The following RASGRF1 variants were observed in gnomAD, a reference collection of about 807,000 sequenced individuals.
RASGRF1 encodes the protein ras-specific guanine nucleotide-releasing factor 1.
In RASGRF1, 40 loss-of-function variants were observed where a neutral mutation model predicts 138.7. That is an observed-to-expected ratio of 0.29 (90% CI 0.22 to 0.38). RASGRF1 has a LOEUF of 0.38. Ranked by LOEUF, RASGRF1 falls within the 10% of genes least tolerant of loss-of-function variation. The pLI is 1.00. For missense variants in RASGRF1, 1,108 were observed against 1,650.4 expected (o/e 0.67, Z 5.69); for synonymous variants, 614 against 663.2 (o/e 0.93, Z 1.14).
chr15:79,008,944 G>A (rs1469488494), intron 13 of RASGRF1, among the ~76,000 whole-genome samples: 1 of 152,200 alleles, frequency 6.6e-6, no homozygotes, highest in Non-Finnish European at 1.5e-5. Context: ...CTCCCTACAA[G>A]ATAAATGACC....
chr15:79,036,517 T>C (rs2057224637), intron 5 of RASGRF1, among the ~76,000 whole-genome samples: 1 of 152,196 alleles, frequency 6.6e-6, no homozygotes, highest in South Asian at 2.1e-4. Flanking sequence ...CAGTTTGTGC[T>C]CTGAGGCAGC....
intron 3 of RASGRF1, among the ~76,000 whole-genome samples, chr15:79,056,298 C>G (rs1174576877): frequency 2.0e-5 from 3 of 152,186 alleles, no homozygotes; most frequent in Non-Finnish European, 4.4e-5. Flanking sequence ...CTTGGACACT[C>G]TTGATCATGA....
intron 12 of RASGRF1, among the ~76,000 whole-genome samples, chr15:79,016,569 A>G (rs924557773): frequency 2.6e-5 from 4 of 152,224 alleles, no homozygotes; most frequent in African/African-American, 9.6e-5. Flanking sequence ...CCTCTGGGCA[A>G]GCAGCCCCAG....
Position 79,079,050 on chromosome 15 carries a change from C to T in RASGRF1, c.276+11173G>A, listed in dbSNP as rs190936705. Among the ~76,000 whole-genome samples, 262 of 152,362 alleles carry T rather than the reference C, an allele frequency of 1.7e-3. 7 individuals are homozygous for T. The South Asian group carries it at 0.028, about 16-fold the overall frequency. On this transcript the variant is annotated intron_variant, in intron 1 of 26. Transcript: ENST00000558480. ...CCCCTCTTTCAGAATCAGCCTCGAA[C>T]GAGGCTGTGCTTGACCCAAGGCCTG...
chr15:79,005,266 G>C (rs1226955854), intron 14 of RASGRF1: 6 of 985,664 alleles, frequency 6.1e-6, no homozygotes, highest in Non-Finnish European at 7.2e-6. Context: ...TGGCAGCAGA[G>C]GTGTGGATTG....
chr15:78,966,019 C>T (rs2055636628), intron 26 of RASGRF1, among the ~76,000 whole-genome samples: 1 of 151,940 alleles, frequency 6.6e-6, no homozygotes, highest in Non-Finnish European at 1.5e-5. Flanking sequence ...AGGGAGGAGC[C>T]CCAGAGATGC....
At chr15:78,972,079 G>A in intron 25 of RASGRF1, 145 bp from the exon 26 acceptor site, 1 of 738,272 alleles carries the variant, frequency 1.4e-6, no homozygotes, top group East Asian at 2.5e-5. Flanking sequence ...GTCCCACGGA[G>A]GCATCATGTG....
intron 13 of RASGRF1, among the ~76,000 whole-genome samples, chr15:79,014,956 C>A (rs1288078936): frequency 6.7e-6 from 1 of 148,442 alleles, no homozygotes; most frequent in Non-Finnish European, 1.5e-5. Flanking sequence ...AAAAAACAAA[C>A]AAAACAAAAC....
In RASGRF1 at chr15:79,058,497, C is replaced by T. The variant is rs1567592864; in HGVS notation, c.384-16G>A. ...GGTCCTGTAGCTGTGGACAGATGGA[C>T]ATGGCAGGTAAGATGCTGACTCCTT... On this transcript the variant is annotated splice_polypyrimidine_tract_variant and intron_variant, in intron 2 of 26. Coordinates refer to ENST00000558480, the MANE Select transcript of RASGRF1 (RefSeq NM_001145648.3). 4 of 1,612,780 alleles carry T rather than the reference C, an allele frequency of 2.5e-6. No homozygotes were observed. Among genetic ancestry groups the T allele is most frequent in the Non-Finnish European group, 2.5e-6 (3 of 1,178,864 alleles).
intron 19 of RASGRF1, among the ~76,000 whole-genome samples, chr15:78,996,860 C>T (rs989911604): frequency 5.9e-5 from 9 of 152,202 alleles, no homozygotes; most frequent in Admixed American, 2.0e-4. Flanking sequence ...GGGGCCTCCA[C>T]GGCCTGGCTG....
In RASGRF1 at chr15:79,063,506, T is replaced by C. The variant is rs564246972; in HGVS notation, c.383+914A>G. On this transcript the variant is annotated intron_variant, in intron 2 of 26. Transcript: ENST00000558480. ...GCATTAATTCACCATTTATCTTCCA[T>C]ATATAAACTCAACAACCAGCTTTGC... 3.9e-5 allele frequency among the ~76,000 whole-genome samples: 6 copies of C among 152,324 alleles called. No individual in the cohort carries two copies. In the South Asian group the frequency reaches 1.2e-3, roughly 32 times the overall value.
rs573898637 is a variant in RASGRF1 at position 79,037,255 on chromosome 15, G to T, written c.879-2045C>A. Among the ~76,000 whole-genome samples, 115 of 152,186 alleles carry T rather than the reference G, an allele frequency of 7.6e-4. 1 individual carries two copies. The highest frequency in any genetic ancestry group is 2.7e-3 in the African/African-American group (113 of 41,518). Reference sequence around the variant, plus strand: ...TCTGACTTGAGGTGGGAGGCAAGGAGGTCAGGTCAGGGGACTCTCAGGGGT... The same window carrying T: ...TCTGACTTGAGGTGGGAGGCAAGGATGTCAGGTCAGGGGACTCTCAGGGGT... On this transcript the variant is annotated intron_variant, in intron 5 of 26. Transcript: ENST00000558480.
At chr15:79,074,020 T>C (rs2057797060) in intron 1 of RASGRF1, among the ~76,000 whole-genome samples, 1 of 152,232 alleles carries the variant, frequency 6.6e-6, no homozygotes, top group Non-Finnish European at 1.5e-5. Flanking sequence ...ACCAGTTTTC[T>C]AGGTCCAGGC....
chr15:79,035,479 T>TGG, intron 5 of RASGRF1, among the ~76,000 whole-genome samples: 1 of 152,352 alleles, frequency 6.6e-6, no homozygotes, highest in South Asian at 2.1e-4. Context: ...CGTCTATGCA[T>TGG]GGGGTGGCAC....
At chr15:79,025,691 C>T (rs776954492) in intron 9 of RASGRF1, among the ~76,000 whole-genome samples, 5 of 152,188 alleles carry the variant, frequency 3.3e-5, no homozygotes, top group Admixed American at 2.0e-4. Flanking sequence ...GCAGGGCCCA[C>T]TGACATCCCA....
In RASGRF1 at chr15:78,991,674, G is replaced by T; in HGVS notation, c.3131+17C>A. On this transcript the variant is annotated intron_variant, in intron 21 of 26. Coordinates refer to ENST00000558480, the MANE Select transcript of RASGRF1 (RefSeq NM_001145648.3). ...CTGAGGAAGCGGGGGGAGGCGGGTG[G>T]TGCCTGCAACACTTACTCATAAGGA... The T allele has an allele frequency of 6.2e-7, 1 of 1,600,166 alleles. No homozygotes were observed. Among genetic ancestry groups the T allele is most frequent in the Non-Finnish European group, 8.6e-7 (1 of 1,167,270 alleles).
At chr15:78,970,636 AAAAAAAAAAGAAAAAGAAAAAGAAAAG>A (rs2055737632) in intron 26 of RASGRF1, among the ~76,000 whole-genome samples, 1 of 150,640 alleles carries the variant, frequency 6.6e-6, no homozygotes, top group African/African-American at 2.4e-5. Flanking sequence ...AAAAAAAAAA[AAAAAAAAAAGAAAAAGAAAAAGAAAAG>A]AAAAGTCATA....
At chr15:79,090,169 C>A in intron 1 of RASGRF1, 54 bp downstream of exon 1, 5 of 1,513,238 alleles carry the variant, frequency 3.3e-6, no homozygotes, top group Admixed American at 2.0e-5. Flanking sequence ...AGGCCCTGAG[C>A]CCCCAGGGCC....
At chr15:79,048,240 AG>A (rs560846776) in intron 4 of RASGRF1, among the ~76,000 whole-genome samples, 627 of 152,090 alleles carry the variant, frequency 4.1e-3, no homozygotes, top group African/African-American at 0.015. Flanking sequence ...CAGTTCCTAG[AG>A]GTGCGTGAGG....
Sources: gnomAD v4.1 joint callset for allele counts (sites outside exome capture counted in the v4.1 genomes callset) on GRCh38, gnomAD v4.1.1 for gene constraint, MANE v1.5 for transcripts, NCBI Gene and HGNC (gene_info 2026-07-23, HGNC 2026-07-21) for gene names.